The following RGL1 variants were observed in gnomAD, a reference collection of about 807,000 sequenced individuals.
RGL1 encodes the protein ral guanine nucleotide dissociation stimulator like 1, also known as ral guanine nucleotide dissociation stimulator-like 1.
In RGL1, 24 loss-of-function variants were observed where a neutral mutation model predicts 95.2. The ratio of observed to expected loss-of-function variants is 0.25; its 90% confidence interval spans 0.18 to 0.35. RGL1 has a LOEUF of 0.35. Among genes scored for constraint, RGL1 ranks in the 10% least tolerant of loss-of-function variants. The pLI, the probability that RGL1 is intolerant of heterozygous loss-of-function variation, is 1.00. For missense variants in RGL1, 715 were observed against 936.3 expected, an observed-to-expected ratio of 0.76 and a Z score of 3.08; for synonymous variants, 329 against 344.9, an observed-to-expected ratio of 0.95 and a Z score of 0.51.
chr1:183,814,201 GA>G (rs1661923289), intron 2 of RGL1, among the ~76,000 whole-genome samples: 1 of 151,090 alleles, frequency 6.6e-6, no homozygotes, highest in African/African-American at 2.4e-5. Flanking sequence ...CTCATACAGA[GA>G]GAGAGAGAGA....
At chr1:183,868,849 C>T (rs12037645) in intron 4 of RGL1, among the ~76,000 whole-genome samples, 4 of 152,200 alleles carry the variant, frequency 2.6e-5, no homozygotes, top group Non-Finnish European at 5.9e-5. Flanking sequence ...GGCGTGGTGG[C>T]TCATGCCTGT....
At chr1:183,915,732 C>T (rs1003859544) in intron 15 of RGL1, among the ~76,000 whole-genome samples, 2 of 152,160 alleles carry the variant, frequency 1.3e-5, no homozygotes, top group Non-Finnish European at 1.5e-5. Flanking sequence ...CTAAACATAC[C>T]GAGGTAGCAG....
At chr1:183,814,619 G>GTT (rs1435796651) in intron 2 of RGL1, among the ~76,000 whole-genome samples, 1 of 152,090 alleles carries the variant, frequency 6.6e-6, no homozygotes, top group African/African-American at 2.4e-5. Context: ...GTTTCCTGCT[G>GTT]TTTTAAATAC....
intron 1 of RGL1, among the ~76,000 whole-genome samples, chr1:183,668,853 T>C (rs1652226029): frequency 6.6e-6 from 1 of 152,042 alleles, no homozygotes; most frequent in Admixed American, 6.6e-5. Flanking sequence ...ACACCCTTTG[T>C]AGTTGTCCCC....
intron 2 of RGL1, among the ~76,000 whole-genome samples, chr1:183,813,191 T>C (rs1661839897): frequency 2.0e-5 from 3 of 152,092 alleles, no homozygotes; most frequent in Admixed American, 2.0e-4. Flanking sequence ...GGGATGAGTG[T>C]AGGCGGGGCA....
At chr1:183,672,225 G>A (rs536824702) in intron 1 of RGL1, among the ~76,000 whole-genome samples, 29 of 152,160 alleles carry the variant, frequency 1.9e-4, no homozygotes, top group Middle Eastern at 6.8e-3. Flanking sequence ...GAGCCATGGC[G>A]CCCAGCCCTT....
intron 1 of RGL1, among the ~76,000 whole-genome samples, chr1:183,675,529 G>C (rs1652774161): frequency 6.6e-6 from 1 of 151,910 alleles, no homozygotes; most frequent in Non-Finnish European, 1.5e-5. Flanking sequence ...CCTCAGATTT[G>C]GAAAGAACCC....
At chr1:183,765,352 A>G (rs1481205108) in intron 2 of RGL1, among the ~76,000 whole-genome samples, 1 of 152,258 alleles carries the variant, frequency 6.6e-6, no homozygotes, top group African/African-American at 2.4e-5. Flanking sequence ...ATGAATTAAG[A>G]ACATTCACAA....
At chr1:183,675,519 C>T (rs1652773416) in intron 1 of RGL1, among the ~76,000 whole-genome samples, 1 of 151,978 alleles carries the variant, frequency 6.6e-6, no homozygotes. Context: ...AATAATGGAA[C>T]CTCAGATTTG....
intron 1 of RGL1, among the ~76,000 whole-genome samples, chr1:183,713,374 G>GCCCCC (rs1324116267): frequency 2.8e-4 from 9 of 31,608 alleles, no homozygotes; most frequent in African/African-American, 5.1e-4. Flanking sequence ...AAATCTAGAG[G>GCCCCC]CACCCCCCCC....
chr1:183,651,587 T>C (rs927415700), intron 1 of RGL1, among the ~76,000 whole-genome samples: 33 of 152,232 alleles, frequency 2.2e-4, no homozygotes, highest in Non-Finnish European at 2.1e-4. Context: ...GTCACCATTA[T>C]CTTAGTGGCT....
chr1:183,779,975 T>C (rs1304297993), intron 2 of RGL1, among the ~76,000 whole-genome samples: 2 of 152,186 alleles, frequency 1.3e-5, no homozygotes, highest in African/African-American at 2.4e-5. Flanking sequence ...GCATGAAGAA[T>C]GCTCAGATCA....
intron 9 of RGL1, among the ~76,000 whole-genome samples, chr1:183,896,683 C>T (rs1667720012): frequency 6.6e-6 from 1 of 152,080 alleles, no homozygotes; most frequent in African/African-American, 2.4e-5. Flanking sequence ...GTGCAATTTA[C>T]CCCCCCATTC....
chr1:183,896,349 T>A (rs1667700427), intron 9 of RGL1, among the ~76,000 whole-genome samples: 1 of 152,210 alleles, frequency 6.6e-6, no homozygotes, highest in African/African-American at 2.4e-5. Context: ...CCATGTCCAG[T>A]ATAGGCTATT....
chr1:183,807,021 C>T (rs1322145184), intron 2 of RGL1, among the ~76,000 whole-genome samples: 1 of 152,050 alleles, frequency 6.6e-6, no homozygotes, highest in East Asian at 1.9e-4. Context: ...TGCTTAGTAC[C>T]CACTACTTTG....
At chr1:183,648,648 A>T in intron 1 of RGL1, 1 of 1,614,180 alleles carries the variant, frequency 6.2e-7, no homozygotes, top group Non-Finnish European at 8.5e-7. Context: ...AAATTCTGTG[A>T]GGGAAACTCT....
At chr1:183,898,941 T>C (rs1413891246) in intron 10 of RGL1, among the ~76,000 whole-genome samples, 2 of 152,176 alleles carry the variant, frequency 1.3e-5, no homozygotes, top group African/African-American at 4.8e-5. Context: ...CTTGATGAGA[T>C]TTAGGATAAG....
chr1:183,867,339 G>A (rs913195048), intron 4 of RGL1, among the ~76,000 whole-genome samples: 1 of 89,834 alleles, frequency 1.1e-5, no homozygotes, highest in Non-Finnish European at 2.9e-5. Context: ...GGGGAAGGAT[G>A]GGGGAGGAGA....
intron 2 of RGL1, chr1:183,754,825 A>T (rs1483958157): frequency 6.6e-6 from 1 of 152,214 alleles, no homozygotes; most frequent in Non-Finnish European, 1.5e-5. Context: ...TGTCACAGAA[A>T]ACAAAGTTTA....
Sources: gnomAD v4.1 joint callset for allele counts (sites outside exome capture counted in the v4.1 genomes callset) on GRCh38, gnomAD v4.1.1 for gene constraint, MANE v1.5 for transcripts, NCBI Gene and HGNC (gene_info 2026-07-23, HGNC 2026-07-21) for gene names.